The following CUX1 variants were observed in gnomAD, a reference collection of about 807,000 sequenced individuals.
CUX1 encodes cut like homeobox 1.
Under a neutral mutation model 158.8 loss-of-function variants are expected in CUX1, and 31 were observed. That is an observed-to-expected ratio of 0.20 (90% CI 0.15 to 0.26). The LOEUF is 0.26. Among genes scored for constraint, CUX1 ranks in the 10% least tolerant of loss-of-function variants. CUX1 has a pLI of 1.00. For synonymous variants in CUX1, 879 were observed against 862.1 expected, an observed-to-expected ratio of 1.02 and a Z score of -0.34; for missense variants, 1,589 against 2,014.6, an observed-to-expected ratio of 0.79 and a Z score of 4.04.
At chr7:101,834,937 G>A (rs1363936876) in intron 1 of CUX1, among the ~76,000 whole-genome samples, 7 of 151,866 alleles carry the variant, frequency 4.6e-5, no homozygotes, top group Admixed American at 6.6e-5. Flanking sequence ...CAGAGGTTGC[G>A]GTGAGCCAAG....
intron 1 of CUX1, among the ~76,000 whole-genome samples, chr7:101,868,302 G>T (rs1310709758): frequency 6.6e-6 from 1 of 152,178 alleles, no homozygotes; most frequent in Admixed American, 6.5e-5. Flanking sequence ...TACGGCACCT[G>T]TGTAGGCCTG....
At chr7:101,831,350 G>A (rs1394091412) in intron 1 of CUX1, among the ~76,000 whole-genome samples, 2 of 151,944 alleles carry the variant, frequency 1.3e-5, no homozygotes, top group Non-Finnish European at 2.9e-5. Context: ...AAGTGCAGTG[G>A]TGCAATCTCG....
intron 12 of CUX1, among the ~76,000 whole-genome samples, chr7:102,192,893 G>A (rs1794430082): frequency 6.6e-6 from 1 of 152,178 alleles, no homozygotes; most frequent in Admixed American, 6.5e-5. Context: ...GACATCCACA[G>A]CAAAAGGAAC....
intron 5 of CUX1, among the ~76,000 whole-genome samples, chr7:102,103,525 G>C (rs1323638753): frequency 6.6e-6 from 1 of 151,992 alleles, no homozygotes; most frequent in Non-Finnish European, 1.5e-5. Context: ...CAAACTCCTG[G>C]GTTCAAGACA....
At chr7:102,062,677 T>A (rs1825039473) in intron 3 of CUX1, among the ~76,000 whole-genome samples, 1 of 152,128 alleles carries the variant, frequency 6.6e-6, no homozygotes, top group Non-Finnish European at 1.5e-5. Context: ...AATTTTTTAT[T>A]TTTTGTAGAG....
intron 14 of CUX1, among the ~76,000 whole-genome samples, chr7:102,267,880 CT>C (rs1790926043): frequency 6.6e-6 from 1 of 152,090 alleles, no homozygotes; most frequent in Non-Finnish European, 1.5e-5. Context: ...GTTGCCCGTG[CT>C]GGTCTCAAAC....
At position 101,939,659 on chromosome 7, in the gene CUX1, C is replaced by T. The variant is rs184120846; in HGVS notation, c.141+23434C>T. Among the ~76,000 whole-genome samples, 25 of 152,074 alleles carry T rather than the reference C, an allele frequency of 1.6e-4. No homozygotes were observed. In the East Asian group the frequency reaches 4.8e-3, roughly 29 times the overall value. ...CTGGCCTGGGCAACATAGTGAAACCCCACCTCTATAAAAAAAATACGAAAA... is the reference window on the plus strand; with the variant it reads ...CTGGCCTGGGCAACATAGTGAAACCTCACCTCTATAAAAAAAATACGAAAA... On this transcript the variant is annotated intron_variant, in intron 2 of 23. Transcript: ENST00000292535.
chr7:102,166,016 T>C (rs1480024833), intron 9 of CUX1, among the ~76,000 whole-genome samples: 1 of 152,112 alleles, frequency 6.6e-6, no homozygotes, highest in East Asian at 1.9e-4. Flanking sequence ...TGATGCCAGC[T>C]AAGAGTAATT....
At chr7:102,189,049 C>A (rs1554516132) in intron 11 of CUX1, among the ~76,000 whole-genome samples, 1 of 152,092 alleles carries the variant, frequency 6.6e-6, no homozygotes, top group Non-Finnish European at 1.5e-5. Context: ...CTGAACAGGT[C>A]CCTGCTCCTA....
chr7:102,071,810 G>A (rs866559670), intron 4 of CUX1, among the ~76,000 whole-genome samples: 11 of 152,312 alleles, frequency 7.2e-5, no homozygotes, highest in African/African-American at 2.4e-4. Context: ...TTCCCTGGAT[G>A]ACATTCCTTT....
At chr7:101,896,384 G>A (rs1015298825) in intron 1 of CUX1, among the ~76,000 whole-genome samples, 8 of 152,166 alleles carry the variant, frequency 5.3e-5, no homozygotes, top group African/African-American at 1.7e-4. Flanking sequence ...TTGCAGAAAC[G>A]TGAATGGGTG....
At chr7:101,959,476 T>TC (rs1469453002) in intron 2 of CUX1, 1 of 152,090 alleles carries the variant, frequency 6.6e-6, no homozygotes, top group Non-Finnish European at 1.5e-5. Flanking sequence ...CAGGCTGCAC[T>TC]CCCCTCCTAA....
chr7:102,182,970 G>A (rs1310608004), intron 11 of CUX1, among the ~76,000 whole-genome samples: 5 of 152,186 alleles, frequency 3.3e-5, no homozygotes, highest in African/African-American at 1.2e-4. Context: ...GGTCACATGC[G>A]TTAGAATCAC....
At chr7:101,947,668 A>G (rs1808562849) in intron 2 of CUX1, among the ~76,000 whole-genome samples, 1 of 152,244 alleles carries the variant, frequency 6.6e-6, no homozygotes. Context: ...ACAGTGAAAT[A>G]ATTGTCTCAG....
chr7:101,893,509 C>T (rs750302815), intron 1 of CUX1, among the ~76,000 whole-genome samples: 3 of 152,060 alleles, frequency 2.0e-5, no homozygotes, highest in Non-Finnish European at 2.9e-5. Context: ...GTTTGGGGCA[C>T]GGAGGGTCAC....
At chr7:102,148,245 C>T (rs1192433225) in intron 8 of CUX1, among the ~76,000 whole-genome samples, 1 of 151,980 alleles carries the variant, frequency 6.6e-6, no homozygotes, top group Non-Finnish European at 1.5e-5. Flanking sequence ...AGAAACAGAA[C>T]AGGACTAAAG....
chr7:102,166,802 G>A (rs1169034475), intron 9 of CUX1, among the ~76,000 whole-genome samples: 3 of 151,510 alleles, frequency 2.0e-5, no homozygotes, highest in Non-Finnish European at 4.4e-5. Context: ...ATTTTTTTTC[G>A]ACGCCCTCAG....
intron 8 of CUX1, among the ~76,000 whole-genome samples, chr7:102,152,401 A>AT (rs1835789153): frequency 6.6e-6 from 1 of 151,888 alleles, no homozygotes; most frequent in Admixed American, 6.6e-5. Context: ...AAACATACAG[A>AT]TTTTTGTTTG....
rs1801108589 is a variant in CUX1 at position 102,248,743 on chromosome 7, T to TCCGCGA, written c.4224_4229dup (p.Thr1411_Ala1412dup). 3.7e-6 allele frequency: 4 copies of TCCGCGA among 1,070,414 alleles called. No individual in the cohort carries two copies. Among genetic ancestry groups the TCCGCGA allele is most frequent in the Middle Eastern group, 4.4e-4 (1 of 2,270 alleles). 66.3% of individuals were successfully genotyped at this position (1,070,414 alleles called of 1,614,324 possible). On this transcript the variant is annotated inframe_insertion, in exon 24 of 24. Transcript: ENST00000292535. This position sits in a 1 kb window ranked among gnomAD's most constrained non-coding sequence, Gnocchi z 5.8. Reference sequence around the variant, plus strand: ...CCCGGGGCCCCTGCCCAGCCCCGCCTCCGCGACCGCCACCGCCGCGCCCGC... The same window carrying TCCGCGA: ...CCCGGGGCCCCTGCCCAGCCCCGCCTCCGCGACCGCGACCGCCACCGCCGCGCCCGC...
Sources: gnomAD v4.1 joint callset for allele counts (sites outside exome capture counted in the v4.1 genomes callset) on GRCh38, gnomAD v4.1.1 for gene constraint, Gnocchi (gnomAD v3.1) non-coding constraint, MANE v1.5 for transcripts, NCBI Gene and HGNC (gene_info 2026-07-23, HGNC 2026-07-21) for gene names.